The following THOC2 variants were observed in gnomAD, a reference collection of about 807,000 sequenced individuals.
THOC2 encodes THO complex 2.
A neutral mutation model predicts 128.4 loss-of-function variants in THOC2; 10 were observed. That is an observed-to-expected ratio of 0.08 (90% CI 0.05 to 0.13). THOC2 has a LOEUF of 0.13. Ranked by LOEUF, THOC2 falls within the 10% of genes least tolerant of loss-of-function variation. The pLI is 1.00. For missense variants in THOC2, 535 were observed against 1,155.7 expected, an observed-to-expected ratio of 0.46 and a Z score of 7.79; for synonymous variants, 393 against 396.9, an observed-to-expected ratio of 0.99 and a Z score of 0.12.
intron 2 of THOC2, among the ~76,000 whole-genome samples, chrX:123,709,490 T>C (rs1361212718): frequency 2.7e-5 from 3 of 109,943 alleles, no homozygotes; most frequent in Non-Finnish European, 5.7e-5. Context: ...ACTCAGGAGG[T>C]TGAGGCAGGA....
At chrX:123,731,787 C>G (rs923276858) in intron 1 of THOC2, among the ~76,000 whole-genome samples, 19 of 111,261 alleles carry the variant, frequency 1.7e-4, no homozygotes, top group Admixed American at 5.8e-4. Flanking sequence ...GGCACTATTA[C>G]AAGCGCGGGA....
chrX:123,682,631 C>A (rs934375451), intron 8 of THOC2, among the ~76,000 whole-genome samples: 1 of 112,017 alleles, frequency 8.9e-6, no homozygotes, highest in African/African-American at 3.2e-5. Flanking sequence ...CAACCTACCA[C>A]TCCTGATCTT....
chrX:123,632,567 T>C (rs1430026210), intron 21 of THOC2, among the ~76,000 whole-genome samples: 2 of 108,751 alleles, frequency 1.8e-5, no homozygotes, highest in Non-Finnish European at 3.8e-5. Flanking sequence ...TATTCTGTTA[T>C]GACTGAGATT....
chrX:123,697,387 A>G (rs1029257839), intron 5 of THOC2, among the ~76,000 whole-genome samples: 1 of 112,638 alleles, frequency 8.9e-6, no homozygotes, highest in Non-Finnish European at 1.9e-5. Flanking sequence ...GCTGTCTACA[A>G]TCATTTCTAC....
At chrX:123,621,836 A>G (rs1222587909) in intron 30 of THOC2, among the ~76,000 whole-genome samples, 1 of 111,098 alleles carries the variant, frequency 9.0e-6, no homozygotes, top group Non-Finnish European at 1.9e-5. Context: ...TGAGGTCAGG[A>G]GTTCGAGACC....
intron 8 of THOC2, among the ~76,000 whole-genome samples, 162 bp downstream of exon 8, chrX:123,686,386 T>C (rs1254361131): frequency 8.9e-6 from 1 of 112,431 alleles, no homozygotes; most frequent in East Asian, 2.8e-4. Flanking sequence ...ATACTACCAA[T>C]ATAGTACTTA....
intron 8 of THOC2, among the ~76,000 whole-genome samples, chrX:123,684,668 G>A (rs1044185663): frequency 5.3e-5 from 6 of 112,248 alleles, no homozygotes; most frequent in Non-Finnish European, 1.1e-4. Flanking sequence ...GATTACAGGC[G>A]TGAGCCACTG....
Position 123,611,010 on chromosome X carries a change from A to C in THOC2, c.4755-47T>G, listed in dbSNP as rs749490532. ...AACAACTTTTGGGAATGGCGGAAAG[A>C]ACAGCATCTCCCCTTTTAGTACAGC... On this transcript the variant is annotated intron_variant, in intron 37 of 38. Transcript: ENST00000245838. 7.8e-6 allele frequency: 9 copies of C among 1,149,298 alleles called. No homozygotes were observed. The African/African-American group carries it at 1.3e-4, about 16-fold the overall frequency. The allele number at this position is 1,149,298 out of a possible 1,213,427, so 94.7% of individuals were successfully genotyped here.
intron 1 of THOC2, among the ~76,000 whole-genome samples, chrX:123,731,464 A>G (rs2052250677): frequency 8.9e-6 from 1 of 112,307 alleles, no homozygotes; most frequent in African/African-American, 3.2e-5. Context: ...CTTTAAGTGC[A>G]TGAGCTGTCC....
intron 38 of THOC2, chrX:123,610,203 C>G (rs1003105703): frequency 3.7e-5 from 4 of 109,430 alleles, no homozygotes; most frequent in African/African-American, 1.3e-4. Context: ...ATGTTAGGGT[C>G]TGAACACTGT....
At chrX:123,675,447 C>A (rs1022807218) in intron 8 of THOC2, among the ~76,000 whole-genome samples, 4 of 110,650 alleles carry the variant, frequency 3.6e-5, no homozygotes, top group African/African-American at 1.3e-4. Context: ...TTGAAACCAG[C>A]CTGGCCAACA....
At chrX:123,633,841 G>A (rs2047575250) in intron 20 of THOC2, 112 bp downstream of exon 20, 2 of 468,067 alleles carry the variant, frequency 4.3e-6, no homozygotes, top group Non-Finnish European at 3.6e-6. Context: ...AGGAAGGTAT[G>A]TATGGCTTTG....
intron 33 of THOC2, among the ~76,000 whole-genome samples, chrX:123,616,456 T>C (rs940099319): frequency 1.8e-5 from 2 of 111,088 alleles, no homozygotes; most frequent in African/African-American, 6.5e-5. Flanking sequence ...AAAAAAGAAT[T>C]TGACTGATTT....
At chrX:123,704,549 T>C (rs1327538062) in intron 3 of THOC2, among the ~76,000 whole-genome samples, 2 of 111,748 alleles carry the variant, frequency 1.8e-5, no homozygotes, top group East Asian at 2.8e-4. Flanking sequence ...TTTACTCTTG[T>C]AGCCTTTGGA....
chrX:123,626,137 T>C (rs2047261579), intron 24 of THOC2, 68 bp from the exon 25 acceptor site: 1 of 759,903 alleles, frequency 1.3e-6, no homozygotes. Flanking sequence ...CCACTAAACA[T>C]GACAACATAT....
chrX:123,708,848 G>T (rs1300404938), intron 2 of THOC2, among the ~76,000 whole-genome samples: 1 of 111,514 alleles, frequency 9.0e-6, no homozygotes, highest in African/African-American at 3.3e-5. Context: ...CTGGGTTCAA[G>T]CGCTTCTCCA....
intron 3 of THOC2, among the ~76,000 whole-genome samples, chrX:123,706,526 C>A (rs2050940023): frequency 1.2e-5 from 1 of 83,672 alleles, no homozygotes; most frequent in Non-Finnish European, 2.3e-5. Context: ...CCCCCTCCCC[C>A]ACCCATGGAT....
At chrX:123,637,664 G>C (rs1481077151) in intron 18 of THOC2, among the ~76,000 whole-genome samples, 1 of 111,103 alleles carries the variant, frequency 9.0e-6, no homozygotes, top group African/African-American at 3.3e-5. Flanking sequence ...GGAGGCTGAG[G>C]CAGGAGAATT....
chrX:123,608,331 G>A (rs1177221174), intron 38 of THOC2, among the ~76,000 whole-genome samples: 4 of 107,923 alleles, frequency 3.7e-5, no homozygotes, highest in Admixed American at 9.9e-5. Flanking sequence ...AACCCGAGAG[G>A]TAGAGATTGC....
Sources: allele counts gnomAD v4.1 joint callset (sites outside exome capture counted in the v4.1 genomes callset), GRCh38; gene constraint gnomAD v4.1.1; transcripts MANE v1.5; gene names NCBI Gene and HGNC (gene_info 2026-07-23, HGNC 2026-07-21).